Variants in MICU1 observed in about 807,000 individuals in gnomAD.
MICU1 encodes the protein mitochondrial calcium uptake 1, also known as calcium uptake protein 1, mitochondrial.
In MICU1, 45 loss-of-function variants were observed where a neutral mutation model predicts 56.8. The observed-to-expected ratio is 0.79, with a 90% confidence interval of 0.62 to 1.02. MICU1 has a LOEUF of 1.02. Among genes scored for constraint, MICU1 ranks in the 50% least tolerant of loss-of-function variants. MICU1 has a pLI of 0.00. For missense variants in MICU1, 504 were observed against 587.1 expected, an observed-to-expected ratio of 0.86 and a Z score of 1.46; for synonymous variants, 186 against 195.1, an observed-to-expected ratio of 0.95 and a Z score of 0.39.
intron 4 of MICU1, among the ~76,000 whole-genome samples, chr10:72,546,791 C>A (rs1470294220): frequency 6.6e-6 from 1 of 151,966 alleles, no homozygotes; most frequent in Non-Finnish European, 1.5e-5. Flanking sequence ...AGTGGCATGA[C>A]CACAGCCCAC....
intron 1 of MICU1, among the ~76,000 whole-genome samples, chr10:72,605,805 A>G (rs879326168): frequency 9.2e-5 from 14 of 152,172 alleles, no homozygotes; most frequent in African/African-American, 3.4e-4. Flanking sequence ...ATCCTCACAG[A>G]TATCATGGAA....
chr10:72,573,294 ACCC>A (rs1199515417), intron 1 of MICU1, among the ~76,000 whole-genome samples: 1 of 93,070 alleles, frequency 1.1e-5, no homozygotes, highest in Non-Finnish European at 2.0e-5. Context: ...ACATAATGAG[ACCC>A]CCATCACTAC....
chr10:72,422,757 C>T (rs886763807), intron 9 of MICU1, among the ~76,000 whole-genome samples: 5 of 149,914 alleles, frequency 3.3e-5, no homozygotes, highest in Non-Finnish European at 5.9e-5. Flanking sequence ...GTTGCCCAGG[C>T]TGGAGTTCAG....
rs1564948403 is a variant in MICU1 at position 72,585,942 on chromosome 10, G to A, written c.-1-19148C>T. 4.2e-5 allele frequency among the ~76,000 whole-genome samples: 6 copies of A among 141,634 alleles called. 1 individual carries two copies. The highest frequency in any genetic ancestry group is 1.6e-4 in the African/African-American group (6 of 38,004). 92.9% of individuals were successfully genotyped at this position (141,634 alleles called of 152,430 possible). A position where few individuals can be genotyped will look rare whatever the true frequency, so the allele number is the denominator to read the frequency against. On this transcript the variant is annotated intron_variant, in intron 1 of 11. Coordinates refer to ENST00000361114, the MANE Select transcript of MICU1 (RefSeq NM_001195518.2). Reference sequence around the variant, plus strand: ...ATACAATGTAAATACTACGTAAATAGTTATTATACATTGTATTTTTAATTT... The same window carrying A: ...ATACAATGTAAATACTACGTAAATAATTATTATACATTGTATTTTTAATTT...
chr10:72,603,402 A>AAT (rs71021515), intron 1 of MICU1, among the ~76,000 whole-genome samples: 1 of 151,114 alleles, frequency 6.6e-6, no homozygotes, highest in Non-Finnish European at 1.5e-5. Flanking sequence ...AAAAAAAAAA[A>AAT]TACATAAATA....
chr10:72,384,007 T>TTA (rs200104899), intron 10 of MICU1, among the ~76,000 whole-genome samples: 10,702 of 151,894 alleles, frequency 0.07, 1,301 homozygotes, highest in African/African-American at 0.25. Context: ...AATTTTTTTT[T>TTA]AATTGAGACA....
At chr10:72,523,350 C>G (rs572022779) in intron 5 of MICU1, among the ~76,000 whole-genome samples, 1 of 152,260 alleles carries the variant, frequency 6.6e-6, no homozygotes, top group South Asian at 2.1e-4. Context: ...ATAGAATTCC[C>G]AGGATTAGAA....
At chr10:72,380,279 T>C (rs1014669257) in intron 10 of MICU1, among the ~76,000 whole-genome samples, 1 of 152,206 alleles carries the variant, frequency 6.6e-6, no homozygotes, top group Non-Finnish European at 1.5e-5. Flanking sequence ...TTCTAAATAC[T>C]ACGTATTTTT....
intron 3 of MICU1, among the ~76,000 whole-genome samples, chr10:72,562,192 C>T (rs538298486): frequency 2.1e-3 from 218 of 105,840 alleles, no homozygotes; most frequent in South Asian, 6.3e-3. Flanking sequence ...CTTGCTTTGC[C>T]GCCCAGGCTG....
chr10:72,553,806 ATT>A (rs1168791436), intron 3 of MICU1, among the ~76,000 whole-genome samples: 1 of 152,210 alleles, frequency 6.6e-6, no homozygotes, highest in East Asian at 1.9e-4. Context: ...CATTGGTAGA[ATT>A]TAGTATAGAC....
chr10:72,429,799 G>A (rs993063883), intron 8 of MICU1, among the ~76,000 whole-genome samples: 3 of 152,148 alleles, frequency 2.0e-5, no homozygotes, highest in African/African-American at 7.2e-5. Context: ...ACATATCTGA[G>A]TGCTTATACT....
intron 8 of MICU1, among the ~76,000 whole-genome samples, chr10:72,434,288 C>T (rs938785578): frequency 3.9e-5 from 6 of 152,072 alleles, no homozygotes; most frequent in African/African-American, 1.2e-4. Flanking sequence ...TCCATCAACT[C>T]GCAGAGCATT....
At chr10:72,441,615 CTTT>C (rs71018287) in intron 8 of MICU1, among the ~76,000 whole-genome samples, 1 of 105,472 alleles carries the variant, frequency 9.5e-6, no homozygotes, top group African/African-American at 3.7e-5. Context: ...TTTAATTTTT[CTTT>C]TTTTTTTTTT....
rs892993815 is a variant in MICU1, at chr10:72,564,741, G to A, written c.162-1678C>T. Among the ~76,000 whole-genome samples the A allele has an allele frequency of 3.9e-5, 6 of 152,036 alleles. No homozygotes were observed. The East Asian group carries it at 1.2e-3, about 29-fold the overall frequency. ...GAGGCAGAGGACTCAAAAGGAAAAA[G>A]TCACACAGAGAAAGAGCTCCAAAAA... On this transcript the variant is annotated intron_variant, in intron 2 of 11. Transcript: ENST00000361114.
In MICU1 at chr10:72,524,646, T is replaced by G. The variant is rs1209367634; in HGVS notation, c.537+9100A>C. 11 of 856,144 alleles carry G rather than the reference T, an allele frequency of 1.3e-5. No homozygotes were observed. In the East Asian group the frequency reaches 2.0e-4, roughly 16 times the overall value. The allele number at this position is 856,144 out of a possible 1,614,324, so 53.0% of individuals were successfully genotyped here. ...CTGAAGGGAGCAGGGCAAGGACATA[T>G]GCATCATGCGCTGAACCTTTGTTCC... On this transcript the variant is annotated intron_variant, in intron 5 of 11. Transcript: ENST00000361114.
intron 1 of MICU1, chr10:72,582,728 G>A (rs1314919379): frequency 2.6e-5 from 4 of 151,152 alleles, no homozygotes; most frequent in East Asian, 1.9e-4. Context: ...TACAGTGAGC[G>A]AGCCATGATC....
At chr10:72,441,558 A>T (rs1273250338) in intron 8 of MICU1, among the ~76,000 whole-genome samples, 2 of 150,462 alleles carry the variant, frequency 1.3e-5, no homozygotes, top group Non-Finnish European at 3.0e-5. Flanking sequence ...ATTTAAAAAA[A>T]AAAAAAAAGA....
At chr10:72,587,539 G>A (rs1285203694) in intron 1 of MICU1, among the ~76,000 whole-genome samples, 1 of 150,710 alleles carries the variant, frequency 6.6e-6, no homozygotes, top group African/African-American at 2.4e-5. Context: ...GAAGGCCAAA[G>A]CACACAGATC....
intron 8 of MICU1, among the ~76,000 whole-genome samples, chr10:72,441,518 A>G (rs7474900): frequency 0.65 from 95,204 of 147,250 alleles, 31,953 homozygotes; most frequent in African/African-American, 0.76. Context: ...TCAAACCTGC[A>G]TTGTGCACAT....
Sources: gnomAD v4.1 joint callset for allele counts (sites outside exome capture counted in the v4.1 genomes callset) on GRCh38, gnomAD v4.1.1 for gene constraint, MANE v1.5 for transcripts, NCBI Gene and HGNC (gene_info 2026-07-23, HGNC 2026-07-21) for gene names.